SH3RF1: variants seen among roughly 807,000 people sequenced by gnomAD.
The protein encoded by SH3RF1 is E3 ubiquitin-protein ligase SH3RF1.
In SH3RF1, 32 loss-of-function variants were observed where a neutral mutation model predicts 74.0. The observed-to-expected ratio is 0.43, with a 90% confidence interval of 0.33 to 0.58. The LOEUF is 0.58. SH3RF1 is among the 20% of genes least tolerant of loss of function. SH3RF1 has a pLI of 0.05. For synonymous variants in SH3RF1, 396 were observed against 439.6 expected, an observed-to-expected ratio of 0.90 and a Z score of 1.24; for missense variants, 954 against 1,130.9, an observed-to-expected ratio of 0.84 and a Z score of 2.24.
chr4:169,183,769 C>T (rs932887369), intron 2 of SH3RF1, among the ~76,000 whole-genome samples: 2 of 143,792 alleles, frequency 1.4e-5, no homozygotes, highest in Admixed American at 6.9e-5. Context: ...AAAAACAAAA[C>T]AAAACAGAAC....
intron 2 of SH3RF1, among the ~76,000 whole-genome samples, chr4:169,191,355 A>AC (rs1333546086): frequency 6.6e-6 from 1 of 151,628 alleles, no homozygotes; most frequent in Non-Finnish European, 1.5e-5. Flanking sequence ...AAAGACCTCT[A>AC]CCAGGGAAAC....
At chr4:169,107,878 T>C (rs1038499047) in intron 10 of SH3RF1, among the ~76,000 whole-genome samples, 12 of 152,242 alleles carry the variant, frequency 7.9e-5, no homozygotes, top group Admixed American at 6.5e-4. Flanking sequence ...TAGACATCCA[T>C]TTTAAGGAAA....
At chr4:169,124,510 G>A (rs936218349) in intron 6 of SH3RF1, among the ~76,000 whole-genome samples, 2 of 152,278 alleles carry the variant, frequency 1.3e-5, no homozygotes, top group Admixed American at 6.5e-5. Context: ...GATCCCAAAG[G>A]TTCTTCCTGA....
intron 2 of SH3RF1, among the ~76,000 whole-genome samples, chr4:169,201,366 G>A (rs1012131747): frequency 2.6e-5 from 4 of 152,140 alleles, no homozygotes; most frequent in African/African-American, 7.2e-5. Context: ...ATTAGAGCGG[G>A]GCTAGGGCAG....
In SH3RF1 at chr4:169,116,349, G is replaced by T; in HGVS notation, c.2059C>A (p.Pro687Thr). 1.2e-6 allele frequency: 2 copies of T among 1,614,210 alleles called. No homozygotes were observed. The highest frequency in any genetic ancestry group is 1.7e-6 in the Non-Finnish European group (2 of 1,180,046). Reference sequence around the variant, plus strand: ...CTGTCAGGAGATGTGGGGAGTCCAGGGAGAACGGTCACTATCCGGCCACTG... The same window carrying T: ...CTGTCAGGAGATGTGGGGAGTCCAGTGAGAACGGTCACTATCCGGCCACTG... ...EPSGRIVTVL[P>T]GLPTSPDSAS... Residue 687 changes from proline to threonine, a missense_variant, in exon 10 of 12, where the codon CCT becomes ACT. Transcript: ENST00000284637.
In SH3RF1 at chr4:169,176,935, T is replaced by C. The variant is rs1734430716; in HGVS notation, c.394-20256A>G. On this transcript the variant is annotated intron_variant, in intron 2 of 11. Coordinates refer to ENST00000284637, the MANE Select transcript of SH3RF1 (RefSeq NM_020870.4). ...CGTGCCTGGTTAATTTCTGTTGTTG[T>C]TGTTGTTGTTGTTGTAAAGACAGGG... Among the ~76,000 whole-genome samples the C allele has an allele frequency of 2.0e-5, 3 of 152,098 alleles. 1 individual carries two copies. Among genetic ancestry groups the C allele is most frequent in the Non-Finnish European group, 4.4e-5 (3 of 67,994 alleles).
intron 2 of SH3RF1, among the ~76,000 whole-genome samples, chr4:169,179,228 G>C (rs1734469734): frequency 6.6e-6 from 1 of 152,120 alleles, no homozygotes; most frequent in Admixed American, 6.6e-5. Context: ...CAACTTTGCT[G>C]GCTTTGAAGA....
rs747396242 is a variant in SH3RF1, at chr4:169,156,427, T to C, written c.646A>G (p.Lys216Glu). Reference protein sequence around the residue: ...DFEVKDKEADKDCLPFAKDDV... With the variant: ...DFEVKDKEADEDCLPFAKDDV... ...ACCTTTGCAAATGGAAGGCAATCTT[T>C]GTCTGCTTCCTTGTCTTTCACTTCA... The change falls in exon 3 of 12, where the codon AAA (lysine) becomes GAA (glutamate). Residue 216 changes from lysine to glutamate, a missense_variant. Physicochemically the swap from Lys to Glu is moderately conservative, Grantham distance 56 (BLOSUM62 1). Around this residue, in one of 3 missense-constraint regions of SH3RF1, gnomAD observed 854 missense variants for 962.5 expected, o/e 0.89. Transcript: ENST00000284637. The C allele has an allele frequency of 6.3e-7, 1 of 1,595,304 alleles. No homozygotes were observed. Among genetic ancestry groups the C allele is most frequent in the Non-Finnish European group, 8.6e-7 (1 of 1,167,350 alleles).
At chr4:169,159,240 T>C (rs568857313) in intron 2 of SH3RF1, among the ~76,000 whole-genome samples, 6 of 152,346 alleles carry the variant, frequency 3.9e-5, no homozygotes, top group Middle Eastern at 3.4e-3. Flanking sequence ...AGAAGAATTC[T>C]AATTTTTCTC....
intron 2 of SH3RF1, among the ~76,000 whole-genome samples, chr4:169,261,577 C>G (rs552868649): frequency 3.9e-4 from 59 of 151,576 alleles, no homozygotes; most frequent in African/African-American, 1.3e-3. Context: ...CAACTGCACT[C>G]CAACCTGGGC....
intron 4 of SH3RF1, among the ~76,000 whole-genome samples, chr4:169,147,138 C>T (rs1275985871): frequency 3.3e-5 from 5 of 152,142 alleles, no homozygotes; most frequent in Admixed American, 3.3e-4. Context: ...TTTACTGGTT[C>T]TGACAATACA....
intron 11 of SH3RF1, among the ~76,000 whole-genome samples, chr4:169,099,848 G>A (rs1228670876): frequency 6.6e-6 from 1 of 152,164 alleles, no homozygotes; most frequent in Non-Finnish European, 1.5e-5. Flanking sequence ...ACCTCTGGGG[G>A]GGCGGGTGGA....
At chr4:169,225,730 C>CTTTT (rs1730646127) in intron 2 of SH3RF1, among the ~76,000 whole-genome samples, 1 of 152,138 alleles carries the variant, frequency 6.6e-6, no homozygotes, top group Non-Finnish European at 1.5e-5. Context: ...GTGATGGTAG[C>CTTTT]TTGAAGGAGT....
chr4:169,235,742 AGTGCAACG>A (rs1730814666), intron 2 of SH3RF1, among the ~76,000 whole-genome samples: 1 of 151,658 alleles, frequency 6.6e-6, no homozygotes, highest in South Asian at 2.1e-4. Context: ...CCCAAGCTGG[AGTGCAACG>A]GTGCAATCTT....
chr4:169,158,357 G>C (rs767261230), intron 2 of SH3RF1, among the ~76,000 whole-genome samples: 1 of 152,180 alleles, frequency 6.6e-6, no homozygotes, highest in Non-Finnish European at 1.5e-5. Context: ...CACCAGCAAA[G>C]ACCTGGAGGT....
At chr4:169,167,219 G>A (rs1734261178) in intron 2 of SH3RF1, 1 of 152,692 alleles carries the variant, frequency 6.5e-6, no homozygotes, top group Admixed American at 6.6e-5. Flanking sequence ...TATAGCCATG[G>A]AAGGGCACTC....
chr4:169,156,638 A>G lies in SH3RF1; in HGVS notation c.435T>C (p.Tyr145=), dbSNP rs10518039. The change falls in exon 3 of 12, where the codon TAT becomes TAC. Residue 145 remains tyrosine, a synonymous_variant. Transcript: ENST00000284637. ...QLPCAKALYN[Y]EGKEPGDLKF... ...TAAGGTCTCCAGGCTCTTTTCCTTC[A>G]TAGTTGTATAATGCTTTGGCACATG... is the stretch of plus-strand genomic sequence containing the variant. 485,771 of 1,612,936 alleles carry G rather than the reference A, an allele frequency of 0.3. 75,751 individuals carry two copies. Among genetic ancestry groups the G allele is most frequent in the African/African-American group, 0.4 (30,287 of 74,796 alleles).
chr4:169,116,442 G>C lies in SH3RF1; in HGVS notation c.1966C>G (p.Leu656Val). 7 of 1,614,160 alleles carry C rather than the reference G, an allele frequency of 4.3e-6. No homozygotes were observed. The highest frequency in any genetic ancestry group is 5.9e-6 in the Non-Finnish European group (7 of 1,180,008). ...AGTGGAGCAGCTGCTGCACAGGCCA[G>C]AGGGGCACTGGCTCGACTGATACTG... Reference protein sequence around the residue: ...AISISRASAPLACAAAAPLTS... With the variant: ...AISISRASAPVACAAAAPLTS... Residue 656 changes from leucine (L) to valine (V), a missense_variant, in exon 10 of 12, where the codon CTG (leucine) becomes GTG (valine). Transcript: ENST00000284637.
chr4:169,253,249 C>A (rs1291677350), intron 2 of SH3RF1, among the ~76,000 whole-genome samples: 1 of 152,238 alleles, frequency 6.6e-6, no homozygotes, highest in Non-Finnish European at 1.5e-5. Context: ...TTCTCAAAAT[C>A]TGCCATTCTT....
Sources: gnomAD v4.1 joint callset for allele counts (sites outside exome capture counted in the v4.1 genomes callset) on GRCh38, gnomAD v4.1.1 for gene constraint, gnomAD v4.1.1 regional missense constraint, MANE v1.5 for transcripts, NCBI Gene and HGNC (gene_info 2026-07-23, HGNC 2026-07-21) for gene names.